The following RBFOX1 variants were observed in gnomAD, a reference collection of about 807,000 sequenced individuals.
The protein encoded by RBFOX1 is RNA binding protein fox-1 homolog 1.
Under a neutral mutation model 57.7 loss-of-function variants are expected in RBFOX1, and 8 were observed. That is an observed-to-expected ratio of 0.14 (90% CI 0.08 to 0.25). The LOEUF (loss-of-function observed/expected upper bound fraction) is 0.25. Ranked by LOEUF, RBFOX1 falls within the 10% of genes least tolerant of loss-of-function variation. RBFOX1 has a pLI of 1.00. For missense variants in RBFOX1, 611 were observed against 548.5 expected (o/e 1.11, Z -1.14); for synonymous variants, 326 against 222.4 (o/e 1.47, Z -4.15).
At chr16:6,636,379 C>G (rs2098434062) in intron 2 of RBFOX1, among the ~76,000 whole-genome samples, 1 of 152,020 alleles carries the variant, frequency 6.6e-6, no homozygotes, top group Non-Finnish European at 1.5e-5. Flanking sequence ...ATGGTGTTAG[C>G]CAGGATGGTC....
intron 3 of RBFOX1, among the ~76,000 whole-genome samples, chr16:6,901,080 G>T (rs1413881606): frequency 6.6e-6 from 1 of 152,146 alleles, no homozygotes; most frequent in Non-Finnish European, 1.5e-5. Context: ...ATACTTCTCA[G>T]TTGTGCCTCT....
rs72765177 is a variant in RBFOX1 at position 5,730,415 on chromosome 16, T to C, written c.318+131454T>C. Among the ~76,000 whole-genome samples, 214 of 152,314 alleles carry C rather than the reference T, an allele frequency of 1.4e-3. 1 individual carries two copies. The highest frequency in any genetic ancestry group is 2.8e-3 in the Non-Finnish European group (188 of 68,022). On this transcript the variant is annotated intron_variant, in intron 3 of 19. Coordinates refer to the RBFOX1 transcript ENST00000641259. ...TCCCTGAGAGGGTCTGTAGAGGGCA[T>C]GGAACTGGTTGTCATTGTGTGCCTC...
chr16:5,434,114 C>T (rs1278036095), intron 1 of RBFOX1, among the ~76,000 whole-genome samples: 6 of 152,138 alleles, frequency 3.9e-5, no homozygotes. Context: ...TGTACAGAAC[C>T]TCTGATGCAT....
intron 3 of RBFOX1, among the ~76,000 whole-genome samples, chr16:6,881,644 A>G (rs899705334): frequency 5.3e-5 from 8 of 152,158 alleles, no homozygotes; most frequent in African/African-American, 1.2e-4. Flanking sequence ...CAAATATTCC[A>G]TCTTCAAATA....
intron 14 of RBFOX1, among the ~76,000 whole-genome samples, chr16:7,685,525 G>C (rs1362494116): frequency 2.6e-5 from 4 of 152,038 alleles, no homozygotes; most frequent in African/African-American, 9.7e-5. Context: ...TTTTTCCTAT[G>C]CTAAGTGGAA....
intron 3 of RBFOX1, among the ~76,000 whole-genome samples, chr16:6,945,696 G>A (rs898170472): frequency 8.5e-5 from 13 of 152,092 alleles, no homozygotes; most frequent in Admixed American, 3.9e-4. Context: ...TTCAAGACCA[G>A]CCTGGCCAAC....
intron 4 of RBFOX1, among the ~76,000 whole-genome samples, chr16:7,381,038 A>AT (rs1179853364): frequency 6.6e-6 from 1 of 152,236 alleles, no homozygotes; most frequent in Non-Finnish European, 1.5e-5. Flanking sequence ...TTTTGTCTAC[A>AT]TGAGTGTTTA....
At chr16:7,543,943 T>A (rs943128433) in intron 5 of RBFOX1, among the ~76,000 whole-genome samples, 1 of 152,154 alleles carries the variant, frequency 6.6e-6, no homozygotes, top group Non-Finnish European at 1.5e-5. Context: ...ATGGTCTCGA[T>A]CTCCTAACTT....
chr16:6,102,470 C>T (rs1460786110), intron 1 of RBFOX1, among the ~76,000 whole-genome samples: 1 of 152,156 alleles, frequency 6.6e-6, no homozygotes, highest in Non-Finnish European at 1.5e-5. Flanking sequence ...AATTGCACGT[C>T]AACGGCTGAG....
chr16:6,198,421 G>T (rs1002274567), intron 1 of RBFOX1, among the ~76,000 whole-genome samples: 1 of 152,100 alleles, frequency 6.6e-6, no homozygotes, highest in African/African-American at 2.4e-5. Context: ...TGAAGCCCAC[G>T]GGAGACCTTC....
chr16:6,402,420 C>T (rs1194214743), intron 2 of RBFOX1, among the ~76,000 whole-genome samples: 1 of 152,134 alleles, frequency 6.6e-6, no homozygotes, highest in African/African-American at 2.4e-5. Flanking sequence ...CATTTGCTTG[C>T]TTTTTTTTCC....
intron 4 of RBFOX1, among the ~76,000 whole-genome samples, chr16:7,219,442 A>C (rs767141272): frequency 6.6e-6 from 1 of 152,166 alleles, no homozygotes; most frequent in Non-Finnish European, 1.5e-5. Flanking sequence ...GGGGAAAGAG[A>C]ACCGTCGGCT....
intron 1 of RBFOX1, among the ~76,000 whole-genome samples, chr16:5,383,162 A>G (rs2066171238): frequency 6.6e-6 from 1 of 152,218 alleles, no homozygotes; most frequent in Non-Finnish European, 1.5e-5. Flanking sequence ...TTTCAAAGCT[A>G]TGGAGACACA....
intron 4 of RBFOX1, among the ~76,000 whole-genome samples, chr16:7,233,558 T>C (rs546843135): frequency 6.6e-6 from 1 of 152,166 alleles, no homozygotes; most frequent in Non-Finnish European, 1.5e-5. Flanking sequence ...TTTTACAAAG[T>C]CTATTTTGCT....
chr16:6,044,414 C>T (rs1264230051), intron 1 of RBFOX1, among the ~76,000 whole-genome samples: 1 of 150,838 alleles, frequency 6.6e-6, no homozygotes, highest in Non-Finnish European at 1.5e-5. Flanking sequence ...ATGAGGAATT[C>T]AAGAACACTG....
chr16:6,821,549 C>T (rs2091304254), intron 3 of RBFOX1, among the ~76,000 whole-genome samples: 1 of 152,136 alleles, frequency 6.6e-6, no homozygotes, highest in South Asian at 2.1e-4. Flanking sequence ...AGATGCTTTT[C>T]ATTTCTCTCT....
intron 3 of RBFOX1, among the ~76,000 whole-genome samples, chr16:6,780,540 A>G (rs2080809268): frequency 7.9e-6 from 1 of 126,056 alleles, no homozygotes; most frequent in Non-Finnish European, 1.6e-5. Flanking sequence ...TTATATATAC[A>G]TTTACATATA....
intron 15 of RBFOX1, chr16:7,710,284 C>G: frequency 8.9e-7 from 1 of 1,125,772 alleles, no homozygotes; most frequent in Non-Finnish European, 1.1e-6. Flanking sequence ...GAATTACATT[C>G]AACAACTGGT....
At chr16:5,432,854 C>A (rs936142084) in intron 1 of RBFOX1, among the ~76,000 whole-genome samples, 1 of 151,972 alleles carries the variant, frequency 6.6e-6, no homozygotes, top group Non-Finnish European at 1.5e-5. Context: ...GGCGCAATCT[C>A]GGTTCACTGC....
Sources: gnomAD v4.1 joint callset for allele counts (sites outside exome capture counted in the v4.1 genomes callset) on GRCh38, gnomAD v4.1.1 for gene constraint, MANE v1.5 for transcripts, NCBI Gene and HGNC (gene_info 2026-07-23, HGNC 2026-07-21) for gene names.